ERC2: variants seen among roughly 807,000 people sequenced by gnomAD.
The protein encoded by ERC2 is ELKS/RAB6-interacting/CAST family member 2, also known as ERC protein 2.
A neutral mutation model predicts 114.8 loss-of-function variants in ERC2; 42 were observed. That is an observed-to-expected ratio of 0.37 (90% CI 0.29 to 0.47). The LOEUF (loss-of-function observed/expected upper bound fraction) is 0.47. Among genes scored for constraint, ERC2 ranks in the 20% least tolerant of loss-of-function variants. ERC2 has a pLI of 0.99. For missense variants in ERC2, 939 were observed against 1,150.7 expected (o/e 0.82, Z 2.66); for synonymous variants, 454 against 425.5 (o/e 1.07, Z -0.82).
chr3:56,282,882 C>T (rs1560516972), intron 3 of ERC2, among the ~76,000 whole-genome samples: 1 of 152,236 alleles, frequency 6.6e-6, no homozygotes, highest in Non-Finnish European at 1.5e-5. Flanking sequence ...CTATGCAATA[C>T]ACATTTGTAT....
intron 13 of ERC2, among the ~76,000 whole-genome samples, chr3:55,937,011 A>T (rs186096969): frequency 6.6e-6 from 1 of 152,316 alleles, no homozygotes; most frequent in Admixed American, 6.5e-5. Context: ...ACAGAAGCCA[A>T]TGATCTTAAC....
intron 14 of ERC2, among the ~76,000 whole-genome samples, chr3:55,801,576 T>C (rs2071054699): frequency 6.6e-6 from 1 of 152,178 alleles, no homozygotes; most frequent in South Asian, 2.1e-4. Flanking sequence ...ATTTGAATCA[T>C]TTGAATGGGT....
intron 3 of ERC2, among the ~76,000 whole-genome samples, chr3:56,241,614 A>G (rs760953335): frequency 3.9e-5 from 6 of 152,244 alleles, no homozygotes; most frequent in Non-Finnish European, 8.8e-5. Flanking sequence ...ATATGATCAT[A>G]GAGATAAGAT....
At chr3:56,113,444 T>G (rs907745568) in intron 6 of ERC2, among the ~76,000 whole-genome samples, 1 of 152,180 alleles carries the variant, frequency 6.6e-6, no homozygotes, top group Non-Finnish European at 1.5e-5. Flanking sequence ...TACCTTCATA[T>G]AGCAGCCCTC....
chr3:56,405,139 G>A (rs1367716728), intron 2 of ERC2, among the ~76,000 whole-genome samples: 1 of 152,066 alleles, frequency 6.6e-6, no homozygotes, highest in African/African-American at 2.4e-5. Context: ...ATTTGATGAT[G>A]AAAAGAAAAA....
intron 2 of ERC2, among the ~76,000 whole-genome samples, chr3:56,355,006 T>A (rs1019550007): frequency 6.6e-6 from 1 of 152,180 alleles, no homozygotes; most frequent in Admixed American, 6.5e-5. Flanking sequence ...AGAAACATCA[T>A]CAAATGCCAA....
At chr3:56,384,194 A>C (rs1036349818) in intron 2 of ERC2, among the ~76,000 whole-genome samples, 1 of 152,174 alleles carries the variant, frequency 6.6e-6, no homozygotes, top group African/African-American at 2.4e-5. Context: ...GAGTCCCTGC[A>C]TTAAATTATT....
chr3:55,599,797 T>G (rs2058316766), intron 17 of ERC2, among the ~76,000 whole-genome samples: 1 of 152,236 alleles, frequency 6.6e-6, no homozygotes, highest in Admixed American at 6.5e-5. Context: ...TATTTTCACC[T>G]CAAGGTTGAT....
intron 3 of ERC2, among the ~76,000 whole-genome samples, chr3:56,247,820 T>C (rs945106746): frequency 6.6e-6 from 1 of 152,238 alleles, no homozygotes; most frequent in Non-Finnish European, 1.5e-5. Context: ...CTCTATGACC[T>C]TCAGCAAGTT....
chr3:56,186,333 T>A (rs574725744), intron 3 of ERC2, among the ~76,000 whole-genome samples: 1 of 152,066 alleles, frequency 6.6e-6, no homozygotes, highest in African/African-American at 2.4e-5. Flanking sequence ...ATCTCTCCTT[T>A]GCACTCCTCT....
intron 7 of ERC2, among the ~76,000 whole-genome samples, chr3:56,078,789 G>T (rs977168986): frequency 1.3e-5 from 2 of 151,354 alleles, no homozygotes; most frequent in African/African-American, 4.8e-5. Flanking sequence ...CGGGGGAAAA[G>T]TCTGCCTTTT....
At chr3:55,549,960 CAGAG>C (rs368950409) in intron 17 of ERC2, among the ~76,000 whole-genome samples, 6 of 110,854 alleles carry the variant, frequency 5.4e-5, no homozygotes, top group African/African-American at 1.9e-4. Context: ...GAGAGAGAGA[CAGAG>C]AGAGAGAGAG....
intron 3 of ERC2, among the ~76,000 whole-genome samples, chr3:56,208,689 C>T (rs1190918696): frequency 6.6e-6 from 1 of 152,202 alleles, no homozygotes; most frequent in Admixed American, 6.5e-5. Context: ...CAGAAGTTAA[C>T]TCAGTGACAA....
intron 14 of ERC2, among the ~76,000 whole-genome samples, chr3:55,857,794 C>T (rs1575876868): frequency 6.6e-6 from 1 of 152,124 alleles, no homozygotes; most frequent in Non-Finnish European, 1.5e-5. Context: ...AGGTCCTTCC[C>T]TCATCATGAA....
intron 14 of ERC2, among the ~76,000 whole-genome samples, chr3:55,777,712 G>C (rs1329965128): frequency 6.6e-6 from 1 of 152,148 alleles, no homozygotes; most frequent in African/African-American, 2.4e-5. Flanking sequence ...GACAAATAAT[G>C]CTTGACAATT....
At chr3:56,011,099 G>A (rs2072891896) in intron 8 of ERC2, among the ~76,000 whole-genome samples, 2 of 152,214 alleles carry the variant, frequency 1.3e-5, no homozygotes, top group Admixed American at 6.5e-5. Context: ...AGGACTTAGA[G>A]CTGGGACTCA....
intron 2 of ERC2, among the ~76,000 whole-genome samples, chr3:56,410,821 T>C (rs1257961488): frequency 6.6e-6 from 1 of 152,132 alleles, no homozygotes; most frequent in Non-Finnish European, 1.5e-5. Flanking sequence ...GCAGATATCA[T>C]ACTATGTTGT....
At chr3:55,670,088 C>T (rs1432975294) in intron 17 of ERC2, among the ~76,000 whole-genome samples, 1 of 152,162 alleles carries the variant, frequency 6.6e-6, no homozygotes, top group Non-Finnish European at 1.5e-5. Flanking sequence ...TTGATCTTCA[C>T]AAGAACTCCA....
intron 2 of ERC2, among the ~76,000 whole-genome samples, chr3:56,362,263 T>TC (rs1175287762): frequency 6.6e-6 from 1 of 152,202 alleles, no homozygotes; most frequent in East Asian, 1.9e-4. Context: ...GCTTCAAGGT[T>TC]CCTCAGAGAT....
Sources: gnomAD v4.1 joint callset for allele counts (sites outside exome capture counted in the v4.1 genomes callset) on GRCh38, gnomAD v4.1.1 for gene constraint, MANE v1.5 for transcripts, NCBI Gene and HGNC (gene_info 2026-07-23, HGNC 2026-07-21) for gene names.